Variants in ETS1 observed in about 807,000 individuals in gnomAD.
The protein encoded by ETS1 is protein C-ets-1.
ETS1 carries 15 observed loss-of-function variants against 58.6 expected under a neutral mutation model. That is an observed-to-expected ratio of 0.26 (90% CI 0.17 to 0.39). ETS1 has a LOEUF of 0.39. ETS1 is among the 10% of genes least tolerant of loss of function. The pLI, the probability that ETS1 is intolerant of heterozygous loss-of-function variation, is 1.00. For missense variants in ETS1, 417 were observed against 610.5 expected, an observed-to-expected ratio of 0.68 and a Z score of 3.34; for synonymous variants, 214 against 218.2, an observed-to-expected ratio of 0.98 and a Z score of 0.17.
At chr11:128,567,013 T>C (rs1463473367) in intron 2 of ETS1, among the ~76,000 whole-genome samples, 1 of 152,144 alleles carries the variant, frequency 6.6e-6, no homozygotes, top group Admixed American at 6.5e-5. Flanking sequence ...TGTGGATCAA[T>C]CAACCAGTCG....
At chr11:128,486,820 A>C (rs1862645793) in intron 5 of ETS1, among the ~76,000 whole-genome samples, 1 of 152,232 alleles carries the variant, frequency 6.6e-6, no homozygotes, top group Non-Finnish European at 1.5e-5. Flanking sequence ...GCACCTGCGG[A>C]CAGAAAGCTC....
In ETS1 at chr11:128,566,656, G is replaced by A. The variant is rs552394797; in HGVS notation, c.69+6406C>T. ...AAATTAGCTGGGCACGGTGGTGGGCGCCTGTAGTCCCAGCTACTCAGGAGG... is the reference window on the plus strand; with the variant it reads ...AAATTAGCTGGGCACGGTGGTGGGCACCTGTAGTCCCAGCTACTCAGGAGG... On this transcript the variant is annotated intron_variant, in intron 2 of 9. Transcript: ENST00000392668. 7.3e-4 allele frequency among the ~76,000 whole-genome samples: 111 copies of A among 152,160 alleles called. No individual in the cohort carries two copies. In the Middle Eastern group the frequency reaches 0.02, roughly 28 times the overall value.
At chr11:128,522,013 C>T in intron 3 of ETS1, 1 of 1,572,048 alleles carries the variant, frequency 6.4e-7, no homozygotes, top group Non-Finnish European at 8.7e-7. Context: ...GAGTGGGGGA[C>T]GTACGGGATG....
chr11:128,544,362 TA>T (rs1864100474), intron 3 of ETS1, among the ~76,000 whole-genome samples: 1 of 146,112 alleles, frequency 6.8e-6, no homozygotes, highest in African/African-American at 2.5e-5. Context: ...TATATATATA[TA>T]TATATGGAAT....
chr11:128,531,536 G>A (rs1212341182), intron 3 of ETS1, among the ~76,000 whole-genome samples: 1 of 152,180 alleles, frequency 6.6e-6, no homozygotes, highest in Non-Finnish European at 1.5e-5. Flanking sequence ...TCATGACATA[G>A]TGACAAAGAT....
chr11:128,562,566 G>A (rs1297782911), intron 2 of ETS1, among the ~76,000 whole-genome samples: 1 of 152,178 alleles, frequency 6.6e-6, no homozygotes, highest in Non-Finnish European at 1.5e-5. Context: ...CTCTTAGAAA[G>A]AGGCTACCAG....
At chr11:128,584,277 A>G (rs1864930628) in intron 1 of ETS1, among the ~76,000 whole-genome samples, 2 of 152,240 alleles carry the variant, frequency 1.3e-5, no homozygotes, top group African/African-American at 4.8e-5. Context: ...CTAGATAAGC[A>G]AATCAGTCTA....
At chr11:128,513,286 C>T (rs564015900) in intron 3 of ETS1, among the ~76,000 whole-genome samples, 1 of 152,338 alleles carries the variant, frequency 6.6e-6, no homozygotes, top group African/African-American at 2.4e-5. Flanking sequence ...TAAATGTTAC[C>T]TAAAGTCATA....
rs112417808 is a variant in ETS1, at chr11:128,461,843, T to G, written c.*518A>C. ...CCTCCCCACTGAAGTCCATCTTTGC[T>G]TCAAAACTAGAGTGATAGGTAAATA... On this transcript the variant is annotated 3_prime_UTR_variant, in exon 10 of 10. Transcript: ENST00000392668. The G allele has an allele frequency of 5.2e-4, 79 of 153,248 alleles. 1 individual carries two copies. Among genetic ancestry groups the G allele is most frequent in the Middle Eastern group, 3.4e-3 (1 of 294 alleles). 9.5% of individuals were successfully genotyped at this position (153,248 alleles called of 1,614,324 possible).
intron 3 of ETS1, among the ~76,000 whole-genome samples, chr11:128,544,819 C>T (rs1001702111): frequency 3.3e-5 from 5 of 152,090 alleles, no homozygotes; most frequent in Admixed American, 1.3e-4. Context: ...TAGTAAAACC[C>T]ACAGGGAACA....
rs184827469 is a variant in ETS1, at chr11:128,475,792, C to T, written c.1123+4399G>A. Among the ~76,000 whole-genome samples, 1,270 of 152,196 alleles carry T rather than the reference C, an allele frequency of 8.3e-3. 19 individuals carry two copies. Among genetic ancestry groups the T allele is most frequent in the African/African-American group, 0.029 (1,194 of 41,500 alleles). On this transcript the variant is annotated intron_variant, in intron 8 of 9. Transcript: ENST00000392668. Reference sequence around the variant, plus strand: ...GGTCTCGATCTCCTGACCTCATGATCTGCCTGCCTCTGCCTCCCAAAGTGC... The same window carrying T: ...GGTCTCGATCTCCTGACCTCATGATTTGCCTGCCTCTGCCTCCCAAAGTGC...
intron 3 of ETS1, among the ~76,000 whole-genome samples, chr11:128,503,720 C>T (rs888556744): frequency 1.2e-4 from 19 of 152,280 alleles, no homozygotes; most frequent in African/African-American, 4.3e-4. Context: ...TCTCTAAGGG[C>T]CCTGCTGAAT....
At chr11:128,510,917 T>A (rs1388061356) in intron 3 of ETS1, among the ~76,000 whole-genome samples, 1 of 152,234 alleles carries the variant, frequency 6.6e-6, no homozygotes, top group Non-Finnish European at 1.5e-5. Flanking sequence ...GGGCTTACGT[T>A]TTTTGGTAAG....
intron 8 of ETS1, among the ~76,000 whole-genome samples, chr11:128,475,884 G>GTGTGTC (rs1555073837): frequency 3.3e-5 from 4 of 119,558 alleles, no homozygotes; most frequent in African/African-American, 1.1e-4. Context: ...TAGTACCTTT[G>GTGTGTC]TGTGTGTGTG....
intron 3 of ETS1, among the ~76,000 whole-genome samples, chr11:128,507,653 A>G (rs1354217566): frequency 2.0e-5 from 3 of 152,188 alleles, no homozygotes; most frequent in Non-Finnish European, 4.4e-5. Flanking sequence ...TAGAACTGCG[A>G]TGGCCATTTT....
At chr11:128,492,928 T>G (rs1862841766) in intron 3 of ETS1, among the ~76,000 whole-genome samples, 1 of 152,180 alleles carries the variant, frequency 6.6e-6, no homozygotes, top group South Asian at 2.1e-4. Flanking sequence ...GTGAATTAAA[T>G]TTTTCCAAAT....
chr11:128,540,768 C>T (rs184921186), intron 3 of ETS1, among the ~76,000 whole-genome samples: 6 of 152,270 alleles, frequency 3.9e-5, no homozygotes, highest in Non-Finnish European at 5.9e-5. Context: ...GAGGGAGCAG[C>T]GGTCCCAGGA....
intron 9 of ETS1, 122 bp from the exon 10 acceptor site, chr11:128,462,698 G>A: frequency 2.8e-6 from 2 of 704,372 alleles, no homozygotes; most frequent in South Asian, 1.9e-5. Flanking sequence ...CAAGTAAGAT[G>A]ATTTGAGATT....
At chr11:128,533,920 G>A (rs1863935856) in intron 3 of ETS1, among the ~76,000 whole-genome samples, 2 of 152,214 alleles carry the variant, frequency 1.3e-5, no homozygotes, top group Non-Finnish European at 2.9e-5. Flanking sequence ...GTAAGTAAAA[G>A]AATGACTAAA....
Sources: gnomAD v4.1 joint callset for allele counts (sites outside exome capture counted in the v4.1 genomes callset) on GRCh38, gnomAD v4.1.1 for gene constraint, MANE v1.5 for transcripts, NCBI Gene and HGNC (gene_info 2026-07-23, HGNC 2026-07-21) for gene names.